The following PHLDB2 variants were observed in gnomAD, a reference collection of about 807,000 sequenced individuals.
The protein encoded by PHLDB2 is pleckstrin homology-like domain family B member 2.
In PHLDB2, 71 loss-of-function variants were observed where a neutral mutation model predicts 123.6. The observed-to-expected ratio is 0.57, with a 90% CI of 0.47 to 0.70. The LOEUF is 0.70. PHLDB2 is among the 30% of genes least tolerant of loss of function. The probability of loss-of-function intolerance (pLI) is 0.00; values close to 1 mark genes in which losing one functional copy is unlikely to be tolerated. For missense variants in PHLDB2, 1,446 were observed against 1,519.5 expected, an observed-to-expected ratio of 0.95 and a Z score of 0.80; for synonymous variants, 547 against 541.6, an observed-to-expected ratio of 1.01 and a Z score of -0.14.
intron 6 of PHLDB2, among the ~76,000 whole-genome samples, chr3:111,938,735 A>G (rs34841747): frequency 0.48 from 73,604 of 151,964 alleles, 18,764 homozygotes; most frequent in Non-Finnish European, 0.57. Flanking sequence ...TAATCTCCAC[A>G]TTAGTCTTGT....
At position 111,846,172 on chromosome 3, in the gene PHLDB2, A is replaced by T. The variant is rs866518282; in HGVS notation, c.67+237A>T. On this transcript the variant is annotated intron_variant, in intron 2 of 17. Transcript: ENST00000393923. ...GAGGTTTTATTTAGTCCAGATGCTGAAGGATGGGAAGACCCAAGCAGCTGG... is the reference window on the plus strand; with the variant it reads ...GAGGTTTTATTTAGTCCAGATGCTGTAGGATGGGAAGACCCAAGCAGCTGG... 20 of 407,098 alleles carry T rather than the reference A, an allele frequency of 4.9e-5. No individual in the cohort carries two copies. The Middle Eastern group carries it at 2.9e-3, about 58-fold the overall frequency. The allele number at this position is 407,098 out of a possible 1,614,324, so 25.2% of individuals were successfully genotyped here.
Position 111,969,816 on chromosome 3 carries a change from G to A in PHLDB2, c.3442G>A (p.Gly1148Arg). Reference protein sequence around the residue: ...HVSITEKTCRGFLIKMGGKIK... With the variant: ...HVSITEKTCRRFLIKMGGKIK... Reference sequence around the variant, plus strand: ...ATCAATCACAGAGAAGACCTGCCGAGGATTCCTCATCAAAATGGGTGGGAA... The same window carrying A: ...ATCAATCACAGAGAAGACCTGCCGAAGATTCCTCATCAAAATGGGTGGGAA... Residue 1148 changes from glycine (G) to arginine (R), a missense_variant, in exon 16 of 18, where the codon GGA becomes AGA. Gly to Arg is a moderately radical substitution (Grantham distance 125). Transcript: ENST00000431670. 6.2e-7 allele frequency: 1 copy of A among 1,614,030 alleles called. No homozygotes were observed. Among genetic ancestry groups the A allele is most frequent in the South Asian group, 1.1e-5 (1 of 91,086 alleles).
chr3:111,919,587 G>T (rs975626734), intron 4 of PHLDB2, among the ~76,000 whole-genome samples: 12 of 152,182 alleles, frequency 7.9e-5, no homozygotes, highest in African/African-American at 2.7e-4. Context: ...TTTACTATGA[G>T]TTGGATATCA....
At chr3:111,804,529 T>C (rs2061498082) in intron 1 of PHLDB2, among the ~76,000 whole-genome samples, 1 of 152,244 alleles carries the variant, frequency 6.6e-6, no homozygotes, top group Non-Finnish European at 1.5e-5. Flanking sequence ...TGTATTGTTT[T>C]CTACGCAGAG....
chr3:111,777,839 A>C (rs746708790), intron 1 of PHLDB2, among the ~76,000 whole-genome samples: 1 of 152,112 alleles, frequency 6.6e-6, no homozygotes, highest in Admixed American at 6.6e-5. Flanking sequence ...TAAATCCTTC[A>C]ACTAGTTTTA....
intron 16 of PHLDB2, among the ~76,000 whole-genome samples, 180 bp from the exon 17 acceptor site, chr3:111,973,552 C>CT (rs1178576861): frequency 3.9e-5 from 6 of 152,178 alleles, no homozygotes; most frequent in East Asian, 3.9e-4. Context: ...TATGGCTTTT[C>CT]TTTTTTTATT....
At chr3:111,755,823 A>G (rs1447037380) in intron 1 of PHLDB2, among the ~76,000 whole-genome samples, 29 of 149,484 alleles carry the variant, frequency 1.9e-4, no homozygotes, top group Admixed American at 6.0e-4. Flanking sequence ...ACTGCTTTGA[A>G]TGTGTCCCAG....
At chr3:111,859,707 G>T (rs937437701) in intron 1 of PHLDB2, 131 bp downstream of exon 1, 7 of 985,326 alleles carry the variant, frequency 7.1e-6, no homozygotes, top group Non-Finnish European at 8.4e-6. Flanking sequence ...GAGGGTTGGG[G>T]GCGGAGAGGA....
At chr3:111,938,538 G>A (rs1474690751) in intron 6 of PHLDB2, among the ~76,000 whole-genome samples, 1 of 152,072 alleles carries the variant, frequency 6.6e-6, no homozygotes, top group Admixed American at 6.5e-5. Context: ...TACATACTAT[G>A]CTACTTGTGT....
rs900849015 is a variant in PHLDB2 at position 111,888,818 on chromosome 3, A to G, written c.1335+3406A>G. On this transcript the variant is annotated intron_variant, in intron 2 of 17. Coordinates refer to ENST00000431670, the MANE Select transcript of PHLDB2 (RefSeq NM_001134438.2). The stretch of plus-strand genomic sequence containing the variant: ...ATGCAAACTTTGCCAAATTTTTAAA[A>G]TTTTATTACTTCTTTATAGCCTTTT... 2.6e-5 allele frequency among the ~76,000 whole-genome samples: 4 copies of G among 152,210 alleles called. No individual in the cohort carries two copies. In the East Asian group the frequency reaches 7.7e-4, roughly 29 times the overall value.
At chr3:111,880,392 A>G (rs537916424) in intron 1 of PHLDB2, among the ~76,000 whole-genome samples, 1 of 152,172 alleles carries the variant, frequency 6.6e-6, no homozygotes, top group Non-Finnish European at 1.5e-5. Context: ...TCTAATGTCA[A>G]AAGAACTTTA....
intron 1 of PHLDB2, among the ~76,000 whole-genome samples, chr3:111,741,125 A>G (rs1387303753): frequency 1.3e-5 from 2 of 152,176 alleles, no homozygotes; most frequent in East Asian, 3.8e-4. Context: ...ATTCTCTAGC[A>G]CTGCCAGCTT....
chr3:111,842,338 T>G (rs1008565654), intron 1 of PHLDB2, among the ~76,000 whole-genome samples: 2 of 152,190 alleles, frequency 1.3e-5, no homozygotes, highest in African/African-American at 4.8e-5. Flanking sequence ...ATCCCCATCC[T>G]CACACAAACA....
At chr3:111,752,536 C>T (rs981368590) in intron 1 of PHLDB2, among the ~76,000 whole-genome samples, 3 of 151,822 alleles carry the variant, frequency 2.0e-5, no homozygotes, top group South Asian at 2.1e-4. Flanking sequence ...ATTCCAAATG[C>T]ATCTATTTTG....
intron 5 of PHLDB2, among the ~76,000 whole-genome samples, chr3:111,928,449 T>G (rs1417029059): frequency 2.6e-5 from 4 of 152,218 alleles, no homozygotes; most frequent in African/African-American, 9.7e-5. Flanking sequence ...TTACTAAGCC[T>G]TCTATCCCTG....
In PHLDB2 at chr3:111,954,058, GC is replaced by G. The variant is rs781036812; in HGVS notation, c.2872+31del. Reference sequence around the variant, plus strand: ...CGTACCTTTTAAATCAAGTGTCATGGCCTTTTGTTAAGCATTAGAATTCTTC... The same window carrying G: ...CGTACCTTTTAAATCAAGTGTCATGGCTTTTGTTAAGCATTAGAATTCTTC... On this transcript the variant is annotated intron_variant, in intron 12 of 17. Transcript: ENST00000431670. 4 of 1,587,922 alleles carry G rather than the reference GC, an allele frequency of 2.5e-6. No homozygotes were observed. The South Asian group carries it at 3.3e-5, about 13-fold the overall frequency.
intron 9 of PHLDB2, among the ~76,000 whole-genome samples, chr3:111,946,970 A>C (rs2070350689): frequency 7.6e-6 from 1 of 130,900 alleles, no homozygotes. Context: ...TAGAGTTGAC[A>C]GTTCACAGTT....
intron 2 of PHLDB2, among the ~76,000 whole-genome samples, chr3:111,902,190 CA>C (rs1236650585): frequency 1.8e-4 from 27 of 152,122 alleles, no homozygotes; most frequent in African/African-American, 6.3e-4. Flanking sequence ...ATCTGCCTAA[CA>C]AAATGCTGAG....
intron 5 of PHLDB2, among the ~76,000 whole-genome samples, chr3:111,926,527 C>T (rs1335008336): frequency 6.6e-6 from 1 of 151,654 alleles, no homozygotes; most frequent in Non-Finnish European, 1.5e-5. Context: ...AGGATTCCAG[C>T]TTGAGGCTAT....
Sources: allele counts gnomAD v4.1 joint callset (sites outside exome capture counted in the v4.1 genomes callset), GRCh38; gene constraint gnomAD v4.1.1; transcripts MANE v1.5; gene names NCBI Gene and HGNC (gene_info 2026-07-23, HGNC 2026-07-21).